LHFPL3: variants seen among roughly 807,000 people sequenced by gnomAD.
LHFPL3 encodes the protein LHFPL tetraspan subfamily member 3 protein.
A neutral mutation model predicts 19.3 loss-of-function variants in LHFPL3; 5 were observed. That is an observed-to-expected ratio of 0.26 (90% confidence interval 0.14 to 0.54). LHFPL3 has a LOEUF of 0.54. Among genes scored for constraint, LHFPL3 ranks in the 20% least tolerant of loss-of-function variants. LHFPL3 has a pLI of 0.94. For missense variants in LHFPL3, 249 were observed against 307.4 expected (o/e 0.81, Z 1.42); for synonymous variants, 133 against 126.2 (o/e 1.05, Z -0.36).
intron 1 of LHFPL3, among the ~76,000 whole-genome samples, chr7:104,694,799 A>G (rs1792968083): frequency 6.6e-6 from 1 of 152,264 alleles, no homozygotes; most frequent in South Asian, 2.1e-4. Flanking sequence ...CAAGACTGCA[A>G]TTGGCAGCAC....
At chr7:104,773,202 G>A (rs1794587472) in intron 2 of LHFPL3, among the ~76,000 whole-genome samples, 1 of 152,216 alleles carries the variant, frequency 6.6e-6, no homozygotes, top group Admixed American at 6.5e-5. Flanking sequence ...ACAGGGCAGT[G>A]AGGGGCCACT....
At position 104,328,956 on chromosome 7, in the gene LHFPL3, C is replaced by G; in HGVS notation, c.177C>G (p.Tyr59Ter). 1.2e-6 allele frequency: 2 copies of G among 1,614,220 alleles called. No homozygotes were observed. Among genetic ancestry groups the G allele is most frequent in the Admixed American group, 1.7e-5 (1 of 60,036 alleles). The change falls in exon 1 of 3, where the codon TAC (tyrosine) becomes TAG (stop). Residue 59 changes from tyrosine to a stop codon, truncating the protein, a stop_gained. Coordinates refer to ENST00000424859, the MANE Select transcript of LHFPL3 (RefSeq NM_199000.3). LOFTEE classifies it high-confidence loss of function. The surrounding 1 kb of genome is among the most constrained non-coding windows in gnomAD (Gnocchi z 4.6). ...IVNVVCFIQP[Y>*]WIGDGVDTPQ... ...ACGTGGTGTGCTTCATCCAGCCCTA[C>G]TGGATAGGCGACGGCGTGGACACCC...
chr7:104,529,765 G>A (rs1794261039), intron 1 of LHFPL3, among the ~76,000 whole-genome samples: 1 of 152,174 alleles, frequency 6.6e-6, no homozygotes, highest in African/African-American at 2.4e-5. Flanking sequence ...GGGATGGGCA[G>A]TGCCTATGTA....
Position 104,759,056 on chromosome 7 carries a change from C to A in LHFPL3, c.682+22145C>A, listed in dbSNP as rs145083185. 5.7e-3 allele frequency among the ~76,000 whole-genome samples: 866 copies of A among 152,244 alleles called. 5 individuals carry two copies. The highest frequency in any genetic ancestry group is 0.019 in the African/African-American group (801 of 41,536). ...TTCCTGAGCTGATTTTTAAGTCACG[C>A]CGAGGACAAATAGACATCTGAGAGA... On this transcript the variant is annotated intron_variant, in intron 2 of 2. Coordinates refer to ENST00000424859, the MANE Select transcript of LHFPL3 (RefSeq NM_199000.3).
intron 2 of LHFPL3, among the ~76,000 whole-genome samples, chr7:104,902,973 G>A (rs1040446645): frequency 3.9e-5 from 6 of 152,108 alleles, no homozygotes; most frequent in African/African-American, 1.4e-4. Flanking sequence ...GAAACTGGCC[G>A]CAAATGTTCC....
At chr7:104,526,928 T>C (rs897183914) in intron 1 of LHFPL3, among the ~76,000 whole-genome samples, 2 of 152,134 alleles carry the variant, frequency 1.3e-5, no homozygotes, top group South Asian at 2.1e-4. Context: ...AATAAACACA[T>C]ACCTTTGTAA....
intron 2 of LHFPL3, among the ~76,000 whole-genome samples, chr7:104,763,735 A>T: frequency 6.6e-6 from 1 of 152,208 alleles, no homozygotes; most frequent in East Asian, 1.9e-4. Flanking sequence ...AGCTTCCTGG[A>T]AAGGGCAGTA....
At chr7:104,384,756 C>G (rs1448650290) in intron 1 of LHFPL3, among the ~76,000 whole-genome samples, 1 of 139,910 alleles carries the variant, frequency 7.1e-6, no homozygotes, top group Non-Finnish European at 1.5e-5. Flanking sequence ...CACTGTACTC[C>G]AGCCTAGGCA....
chr7:104,563,330 C>A (rs1277706046), intron 1 of LHFPL3, among the ~76,000 whole-genome samples: 2 of 151,108 alleles, frequency 1.3e-5, no homozygotes, highest in Admixed American at 6.6e-5. Flanking sequence ...TAGCAATCAG[C>A]GAGACTCCGT....
chr7:104,680,145 C>T (rs553978881), intron 1 of LHFPL3, among the ~76,000 whole-genome samples: 24 of 152,234 alleles, frequency 1.6e-4, no homozygotes, highest in Middle Eastern at 3.4e-3. Context: ...ATGAGCTGAA[C>T]GTGAAGGACA....
intron 2 of LHFPL3, among the ~76,000 whole-genome samples, chr7:104,852,525 AGGCCAGGCT>A (rs1449903284): frequency 6.6e-6 from 1 of 152,222 alleles, no homozygotes; most frequent in Non-Finnish European, 1.5e-5. Context: ...AGTTGGGAAT[AGGCCAGGCT>A]GGCCATGCTG....
chr7:104,554,630 A>T (rs1230864965), intron 1 of LHFPL3, among the ~76,000 whole-genome samples: 1 of 144,284 alleles, frequency 6.9e-6, no homozygotes, highest in Non-Finnish European at 1.5e-5. Flanking sequence ...AATAGGATAG[A>T]TTAGATAGAC....
At chr7:104,846,742 C>T (rs181813131) in intron 2 of LHFPL3, among the ~76,000 whole-genome samples, 1 of 152,266 alleles carries the variant, frequency 6.6e-6, no homozygotes, top group South Asian at 2.1e-4. Context: ...AGGCTACATC[C>T]CGAAAAGGAC....
At chr7:104,392,255 T>C (rs1425646253) in intron 1 of LHFPL3, among the ~76,000 whole-genome samples, 2 of 152,034 alleles carry the variant, frequency 1.3e-5, no homozygotes, top group South Asian at 4.2e-4. Flanking sequence ...GGCATCCCTG[T>C]CTTGTGCCAG....
chr7:104,413,732 T>G (rs1337411671), intron 1 of LHFPL3, among the ~76,000 whole-genome samples: 1 of 152,236 alleles, frequency 6.6e-6, no homozygotes, highest in African/African-American at 2.4e-5. Context: ...CCATCATGCA[T>G]TCTTCTACAG....
intron 1 of LHFPL3, among the ~76,000 whole-genome samples, chr7:104,642,824 T>G (rs984596858): frequency 2.0e-5 from 3 of 152,196 alleles, no homozygotes; most frequent in Non-Finnish European, 2.9e-5. Context: ...AGGTTCCCCC[T>G]TTACCAGCAG....
At chr7:104,823,833 T>C (rs922329196) in intron 2 of LHFPL3, among the ~76,000 whole-genome samples, 2 of 151,960 alleles carry the variant, frequency 1.3e-5, no homozygotes, top group African/African-American at 2.4e-5. Context: ...ATATGGCTAA[T>C]AAACTATTCA....
chr7:104,540,333 C>A (rs572630814), intron 1 of LHFPL3, among the ~76,000 whole-genome samples: 12 of 152,184 alleles, frequency 7.9e-5, no homozygotes, highest in African/African-American at 2.9e-4. Context: ...AGTTCTCAAC[C>A]AAAGCTGATT....
chr7:104,755,416 C>A (rs1393614861), intron 2 of LHFPL3, among the ~76,000 whole-genome samples: 2 of 152,158 alleles, frequency 1.3e-5, no homozygotes, highest in Non-Finnish European at 2.9e-5. Context: ...GAGTCACATA[C>A]TTCTCATGAT....
Sources: gnomAD v4.1 joint callset for allele counts (sites outside exome capture counted in the v4.1 genomes callset) on GRCh38, gnomAD v4.1.1 for gene constraint, Gnocchi (gnomAD v3.1) non-coding constraint, MANE v1.5 for transcripts, NCBI Gene and HGNC (gene_info 2026-07-23, HGNC 2026-07-21) for gene names.